ANKRD12: variants seen among roughly 807,000 people sequenced by gnomAD.
ANKRD12 encodes the protein ankyrin repeat domain 12.
A neutral mutation model predicts 183.4 loss-of-function variants in ANKRD12; 85 were observed. That is an observed-to-expected ratio of 0.46 (90% CI 0.39 to 0.56). ANKRD12 has a LOEUF of 0.56. Among genes scored for constraint, ANKRD12 ranks in the 20% least tolerant of loss-of-function variants. The probability of loss-of-function intolerance (pLI) is 0.00; values close to 1 mark genes in which losing one functional copy is unlikely to be tolerated. For missense variants in ANKRD12, 2,405 were observed against 2,357.1 expected, an observed-to-expected ratio of 1.02 and a Z score of -0.42; for synonymous variants, 914 against 800.2, an observed-to-expected ratio of 1.14 and a Z score of -2.40.
chr18:9,264,146 G>C (rs2039144611), intron 10 of ANKRD12, among the ~76,000 whole-genome samples: 1 of 152,102 alleles, frequency 6.6e-6, no homozygotes, highest in African/African-American at 2.4e-5. Context: ...TGAATTTGTA[G>C]AACTATAGCA....
chr18:9,226,623 A>C (rs2036730322), intron 8 of ANKRD12, among the ~76,000 whole-genome samples: 1 of 152,048 alleles, frequency 6.6e-6, no homozygotes, highest in Admixed American at 6.6e-5. Context: ...TTCACATCAG[A>C]AAGGGTGGGT....
intron 3 of ANKRD12, among the ~76,000 whole-genome samples, chr18:9,197,297 G>A (rs763536882): frequency 6.6e-6 from 1 of 152,100 alleles, no homozygotes; most frequent in Non-Finnish European, 1.5e-5. Flanking sequence ...TTTTTCTACC[G>A]TTGGACTTTA....
At chr18:9,199,537 G>A (rs541139302) in intron 3 of ANKRD12, among the ~76,000 whole-genome samples, 1 of 152,226 alleles carries the variant, frequency 6.6e-6, no homozygotes, top group East Asian at 1.9e-4. Flanking sequence ...ACAGAAAAAA[G>A]GGTAGGGAAT....
intron 9 of ANKRD12, among the ~76,000 whole-genome samples, chr18:9,263,481 C>T (rs1313166886): frequency 6.6e-6 from 1 of 152,108 alleles, no homozygotes; most frequent in East Asian, 1.9e-4. Flanking sequence ...TTTTGTGACT[C>T]CTCCTTCCCT....
At chr18:9,212,303 CT>C (rs1301748146) in intron 6 of ANKRD12, among the ~76,000 whole-genome samples, 1 of 151,880 alleles carries the variant, frequency 6.6e-6, no homozygotes, top group Non-Finnish European at 1.5e-5. Context: ...CACACAGGTT[CT>C]TTCTCTTCCA....
At chr18:9,160,491 C>T (rs555325370) in intron 1 of ANKRD12, among the ~76,000 whole-genome samples, 1 of 152,148 alleles carries the variant, frequency 6.6e-6, no homozygotes, top group Non-Finnish European at 1.5e-5. Flanking sequence ...CTGCCTGATT[C>T]CAGAACACTT....
intron 8 of ANKRD12, among the ~76,000 whole-genome samples, chr18:9,249,958 CAG>C (rs555738802): frequency 5.8e-4 from 89 of 152,232 alleles, no homozygotes; most frequent in African/African-American, 1.9e-3. Flanking sequence ...TGAAATCAGA[CAG>C]AAATACTCTG....
At chr18:9,223,259 CTTT>C (rs35340216) in intron 8 of ANKRD12, among the ~76,000 whole-genome samples, 2 of 144,668 alleles carry the variant, frequency 1.4e-5, no homozygotes, top group Non-Finnish European at 1.5e-5. Context: ...ACCTCTCTCT[CTTT>C]TTTTTTTTTG....
At chr18:9,168,807 A>G (rs2032364837) in intron 1 of ANKRD12, among the ~76,000 whole-genome samples, 1 of 151,192 alleles carries the variant, frequency 6.6e-6, no homozygotes, top group Non-Finnish European at 1.5e-5. Flanking sequence ...TTTAATTGTG[A>G]TGTTAGGGTG....
In ANKRD12 at chr18:9,186,838, A is replaced by G. The variant is rs558898000; in HGVS notation, c.87+4319A>G. The stretch of plus-strand genomic sequence containing the variant: ...GCGATCTCAGCTCACTGCAAGCTCC[A>G]CCTCCTGGGTTCACGCCATTCTCCT... On this transcript the variant is annotated intron_variant, in intron 2 of 12. Coordinates refer to ENST00000262126, the MANE Select transcript of ANKRD12 (RefSeq NM_015208.5). Among the ~76,000 whole-genome samples the G allele has an allele frequency of 5.8e-5, 8 of 138,164 alleles. No individual in the cohort carries two copies. In the South Asian group the frequency reaches 1.1e-3, roughly 19 times the overall value. 90.6% of individuals were successfully genotyped at this position (138,164 alleles called of 152,430 possible). A position where few individuals can be genotyped will look rare whatever the true frequency, so the allele number is the denominator to read the frequency against.
chr18:9,265,637 T>C (rs966683198), intron 10 of ANKRD12, among the ~76,000 whole-genome samples: 2 of 151,924 alleles, frequency 1.3e-5, no homozygotes, highest in Non-Finnish European at 2.9e-5. Context: ...TCACCCATCA[T>C]CAAAGACCAA....
chr18:9,244,475 G>A (rs957310966), intron 8 of ANKRD12, among the ~76,000 whole-genome samples: 6 of 152,010 alleles, frequency 3.9e-5, no homozygotes, highest in African/African-American at 1.5e-4. Flanking sequence ...GTGTGCTACT[G>A]TGCCCAGCTC....
At position 9,226,295 on chromosome 18, in the gene ANKRD12, C is replaced by T. The variant is rs1043163120; in HGVS notation, c.943+4296C>T. Among the ~76,000 whole-genome samples, 3 of 152,050 alleles carry T rather than the reference C, an allele frequency of 2.0e-5. 1 individual carries two copies. The Middle Eastern group carries it at 0.01, about 517-fold the overall frequency. ...AAAAACTTAGCTGGGCGTGGTGGTG[C>T]GTGCCTGTAGTCCCAGCTACTCAGG... On this transcript the variant is annotated intron_variant, in intron 8 of 12. Transcript: ENST00000262126.
At chr18:9,231,570 G>A (rs990939959) in intron 8 of ANKRD12, among the ~76,000 whole-genome samples, 68 of 152,152 alleles carry the variant, frequency 4.5e-4, no homozygotes, top group Middle Eastern at 6.8e-3. Context: ...GCTCGAGCCT[G>A]TAATCCCAGC....
intron 1 of ANKRD12, among the ~76,000 whole-genome samples, chr18:9,141,836 T>C (rs1434604164): frequency 6.6e-6 from 1 of 152,248 alleles, no homozygotes; most frequent in Admixed American, 6.5e-5. Context: ...CTTATGTCTG[T>C]TAACTATCTT....
At chr18:9,159,819 A>G (rs1199566550) in intron 1 of ANKRD12, among the ~76,000 whole-genome samples, 2 of 135,996 alleles carry the variant, frequency 1.5e-5, no homozygotes, top group Admixed American at 1.5e-4. Flanking sequence ...TTTTTTAATT[A>G]TTTGAGACAG....
intron 1 of ANKRD12, among the ~76,000 whole-genome samples, chr18:9,148,699 C>T (rs974593963): frequency 1.3e-5 from 2 of 152,112 alleles, no homozygotes; most frequent in African/African-American, 4.8e-5. Context: ...ATCCTCCCCC[C>T]GCCACAATCT....
chr18:9,256,870 C>T lies in ANKRD12; in HGVS notation c.3603C>T (p.Ser1201=), dbSNP rs753302034. 3.1e-6 allele frequency: 5 copies of T among 1,613,816 alleles called. No homozygotes were observed. Among genetic ancestry groups the T allele is most frequent in the Non-Finnish European group, 4.2e-6 (5 of 1,179,930 alleles). ...AAAATGAAAAGCCGGGTCTCAGCTC[C>T]AGATCTGTATCCATGATTTCTGTTG... ...RSENEKPGLS[S]RSVSMISVAS... The change falls in exon 9 of 13, where the codon TCC becomes TCT. Residue 1201 remains serine (S), a synonymous_variant. Transcript: ENST00000262126.
At chr18:9,191,276 T>C (rs2034438758) in intron 2 of ANKRD12, among the ~76,000 whole-genome samples, 1 of 152,252 alleles carries the variant, frequency 6.6e-6, no homozygotes, top group Non-Finnish European at 1.5e-5. Context: ...TTCTACTCTT[T>C]GGTAATACAG....
Sources: gnomAD v4.1 joint callset for allele counts (sites outside exome capture counted in the v4.1 genomes callset) on GRCh38, gnomAD v4.1.1 for gene constraint, MANE v1.5 for transcripts, NCBI Gene and HGNC (gene_info 2026-07-23, HGNC 2026-07-21) for gene names.